The following FMNL2 variants were observed in gnomAD, a reference collection of about 807,000 sequenced individuals.
FMNL2 encodes formin-like protein 2.
FMNL2 carries 51 observed loss-of-function variants against 130.2 expected under a neutral mutation model. The observed-to-expected ratio is 0.39, with a 90% CI of 0.31 to 0.49. The LOEUF (loss-of-function observed/expected upper bound fraction) is 0.49, where lower values mean the gene tolerates loss of function less well. Among genes scored for constraint, FMNL2 ranks in the 20% least tolerant of loss-of-function variants. The pLI is 0.85. For synonymous variants in FMNL2, 465 were observed against 467.1 expected, an observed-to-expected ratio of 1.00 and a Z score of 0.06; for missense variants, 977 against 1,316.2, an observed-to-expected ratio of 0.74 and a Z score of 3.99.
In FMNL2 at chr2:152,408,214, C is replaced by T. The variant is rs71417224; in HGVS notation, c.117+72494C>T. 9.1e-3 allele frequency among the ~76,000 whole-genome samples: 1,392 copies of T among 152,264 alleles called. 18 individuals carry two copies. Among genetic ancestry groups the T allele is most frequent in the African/African-American group, 0.027 (1,108 of 41,552 alleles). ...AGTTGTGATAAGTAATCATATGTAG[C>T]ACTTAGGTCTTTTTATCTTCAAAGA... On this transcript the variant is annotated intron_variant, in intron 1 of 25. Transcript: ENST00000288670.
chr2:152,527,829 A>G (rs934201456), intron 2 of FMNL2, among the ~76,000 whole-genome samples: 2 of 152,168 alleles, frequency 1.3e-5, no homozygotes, highest in African/African-American at 4.8e-5. Flanking sequence ...GGTATGAAAC[A>G]TATCTTCTTT....
chr2:152,546,290 G>C (rs1267242031), intron 3 of FMNL2, among the ~76,000 whole-genome samples: 1 of 152,188 alleles, frequency 6.6e-6, no homozygotes, highest in Non-Finnish European at 1.5e-5. Flanking sequence ...TACAGGAAGT[G>C]TGGTGCTGGC....
chr2:152,581,586 A>G lies in FMNL2; in HGVS notation c.876+537A>G, dbSNP rs554986867. On this transcript the variant is annotated intron_variant, in intron 9 of 25. Coordinates refer to ENST00000288670, the MANE Select transcript of FMNL2 (RefSeq NM_052905.4). ...AGAAAGGAGGGATTACACAAAGACAATATGACGCCGCGGGCCCTGCCCCAG... is the reference window on the plus strand; with the variant it reads ...AGAAAGGAGGGATTACACAAAGACAGTATGACGCCGCGGGCCCTGCCCCAG... 2.6e-5 allele frequency among the ~76,000 whole-genome samples: 4 copies of G among 152,334 alleles called. No homozygotes were observed. In the South Asian group the frequency reaches 8.3e-4, roughly 32 times the overall value.
intron 7 of FMNL2, among the ~76,000 whole-genome samples, chr2:152,577,871 G>C (rs553965024): frequency 2.0e-5 from 3 of 152,310 alleles, no homozygotes; most frequent in East Asian, 1.9e-4. Flanking sequence ...GAGTTTTGCT[G>C]TAAAGGATAG....
intron 1 of FMNL2, among the ~76,000 whole-genome samples, chr2:152,450,887 G>A (rs1434210869): frequency 6.6e-6 from 1 of 152,210 alleles, no homozygotes; most frequent in Non-Finnish European, 1.5e-5. Context: ...TGCTCCATGT[G>A]TCCATTACCC....
chr2:152,416,715 T>C (rs1386588764), intron 1 of FMNL2, among the ~76,000 whole-genome samples: 3 of 152,216 alleles, frequency 2.0e-5, no homozygotes, highest in Non-Finnish European at 4.4e-5. Flanking sequence ...TCAATGAAAT[T>C]AGATTGTAGC....
chr2:152,394,959 GCTTC>G (rs1204506087), intron 1 of FMNL2, among the ~76,000 whole-genome samples: 1 of 152,046 alleles, frequency 6.6e-6, no homozygotes, highest in Non-Finnish European at 1.5e-5. Flanking sequence ...AAATTTGTCT[GCTTC>G]CAATTCAGTT....
chr2:152,607,506 C>CACAG lies in FMNL2; in HGVS notation c.951+94_951+95insCAGA, dbSNP rs1491203656. ...ACACACACACACACACACACACACA[C>CACAG]ATATTTATATTACAAAGGACAGGGA... On this transcript the variant is annotated intron_variant, in intron 10 of 25. Coordinates refer to ENST00000288670, the MANE Select transcript of FMNL2 (RefSeq NM_052905.4). 139 of 712,602 alleles carry CACAG rather than the reference C, an allele frequency of 2.0e-4. 1 individual carries two copies. The African/African-American group carries it at 2.4e-3, about 12-fold the overall frequency. The allele number at this position is 712,602 out of a possible 1,614,324, so 44.1% of individuals were successfully genotyped here.
At chr2:152,589,940 CATATAT>C (rs771625998) in intron 9 of FMNL2, among the ~76,000 whole-genome samples, 10,252 of 67,064 alleles carry the variant, frequency 0.15, 903 homozygotes, top group African/African-American at 0.21. Flanking sequence ...TGGCTTTATA[CATATAT>C]ATATATATAT....
At chr2:152,608,045 T>C (rs1400605950) in intron 10 of FMNL2, among the ~76,000 whole-genome samples, 2 of 152,206 alleles carry the variant, frequency 1.3e-5, no homozygotes, top group Admixed American at 6.5e-5. Flanking sequence ...GCAGCACTTC[T>C]GCATTCATAC....
chr2:152,345,348 A>C (rs754441816), intron 1 of FMNL2, among the ~76,000 whole-genome samples: 3 of 152,230 alleles, frequency 2.0e-5, no homozygotes, highest in Non-Finnish European at 2.9e-5. Context: ...ATTGAATAAA[A>C]AAGGAATAAC....
intron 1 of FMNL2, among the ~76,000 whole-genome samples, chr2:152,491,604 T>C (rs1691199032): frequency 6.6e-6 from 1 of 152,228 alleles, no homozygotes; most frequent in African/African-American, 2.4e-5. Flanking sequence ...AGTTTAACAT[T>C]GCATAGTGTA....
intron 25 of FMNL2, chr2:152,644,014 G>A (rs1258555254): frequency 1.8e-6 from 1 of 542,382 alleles, no homozygotes; most frequent in Admixed American, 6.4e-5. Context: ...AGGATCACTT[G>A]AGCCCAGGAG....
chr2:152,402,324 T>G (rs1685751503), intron 1 of FMNL2, among the ~76,000 whole-genome samples: 1 of 152,156 alleles, frequency 6.6e-6, no homozygotes, highest in South Asian at 2.1e-4. Context: ...GGAACCTGCA[T>G]GAAGTATCTT....
intron 1 of FMNL2, among the ~76,000 whole-genome samples, chr2:152,452,156 T>A (rs902135547): frequency 6.6e-6 from 1 of 152,246 alleles, no homozygotes; most frequent in African/African-American, 2.4e-5. Context: ...AGAATCTTTT[T>A]TCTTTCCCCA....
chr2:152,562,799 T>C (rs1343322867), intron 6 of FMNL2, among the ~76,000 whole-genome samples: 1 of 152,206 alleles, frequency 6.6e-6, no homozygotes, highest in Non-Finnish European at 1.5e-5. Context: ...TCAGGATGAA[T>C]TTCCTGATCA....
rs551463262 is a variant in FMNL2, at chr2:152,611,349, C to CAT, written c.952-137_952-136dup. ...GCAAGACTCCATTTCCAAAAAAAAC[C>CAT]ATATATATATTTTTAAAGAACCAAT... is the stretch of plus-strand genomic sequence containing the variant. On this transcript the variant is annotated intron_variant, in intron 10 of 25. Transcript: ENST00000288670. 891 of 521,450 alleles carry CAT rather than the reference C, an allele frequency of 1.7e-3. 7 individuals are homozygous for CAT. The highest frequency in any genetic ancestry group is 0.015 in the African/African-American group (798 of 51,894). The allele number at this position is 521,450 out of a possible 1,614,324, so 32.3% of individuals were successfully genotyped here. A position where few individuals can be genotyped will look rare whatever the true frequency, so the allele number is the denominator to read the frequency against.
chr2:152,337,391 C>CTGTGTGTGTGTG (rs10524595), intron 1 of FMNL2, among the ~76,000 whole-genome samples: 7 of 143,446 alleles, frequency 4.9e-5, no homozygotes, highest in South Asian at 2.3e-4. Context: ...CTGTGGTGCT[C>CTGTGTGTGTGTG]TGTGTGTGTG....
rs1553861629 is a variant in FMNL2 at position 152,336,092 on chromosome 2, A to ACAAAACAAAAC, written c.117+372_117+373insCAAAACAAAAC. Among the ~76,000 whole-genome samples the ACAAAACAAAAC allele has an allele frequency of 3.8e-5, 5 of 132,336 alleles. No homozygotes were observed. In the South Asian group the frequency reaches 1.2e-3, roughly 31 times the overall value. The allele number at this position is 132,336 out of a possible 152,430, so 86.8% of individuals were successfully genotyped here. On this transcript the variant is annotated intron_variant, in intron 1 of 25. Coordinates refer to ENST00000288670, the MANE Select transcript of FMNL2 (RefSeq NM_052905.4). Reference sequence around the variant, plus strand: ...GAGCCGCTTAGGCTTTTTTTTTAAAAAAAACAAAACAAAACAAAACAAAAC... The same window carrying ACAAAACAAAAC: ...GAGCCGCTTAGGCTTTTTTTTTAAAACAAAACAAAACAAAACAAAACAAAACAAAACAAAAC...
Sources: gnomAD v4.1 joint callset for allele counts (sites outside exome capture counted in the v4.1 genomes callset) on GRCh38, gnomAD v4.1.1 for gene constraint, MANE v1.5 for transcripts, NCBI Gene and HGNC (gene_info 2026-07-23, HGNC 2026-07-21) for gene names.